Variants in HDAC4 observed in about 807,000 individuals in gnomAD.
HDAC4 encodes the protein histone deacetylase 4.
HDAC4 carries 16 observed loss-of-function variants against 135.1 expected under a neutral mutation model. That is an observed-to-expected ratio of 0.12 (90% confidence interval 0.08 to 0.18). HDAC4 has a LOEUF of 0.18. Among genes scored for constraint, HDAC4 ranks in the 10% least tolerant of loss-of-function variants. The pLI, the probability that HDAC4 is intolerant of heterozygous loss-of-function variation, is 1.00. For missense variants in HDAC4, 1,143 were observed against 1,511.8 expected, an observed-to-expected ratio of 0.76 and a Z score of 4.05; for synonymous variants, 685 against 653.4, an observed-to-expected ratio of 1.05 and a Z score of -0.74.
intron 3 of HDAC4, among the ~76,000 whole-genome samples, chr2:239,211,330 A>G (rs2046345573): frequency 6.6e-6 from 1 of 152,218 alleles, no homozygotes; most frequent in Non-Finnish European, 1.5e-5. Flanking sequence ...GAATGCTGGA[A>G]AGAATTGGGC....
At chr2:239,341,548 A>G (rs1374677718) in intron 2 of HDAC4, among the ~76,000 whole-genome samples, 1 of 152,198 alleles carries the variant, frequency 6.6e-6, no homozygotes, top group Non-Finnish European at 1.5e-5. Context: ...CTTTCAGGAC[A>G]ACACATGGAA....
intron 2 of HDAC4, among the ~76,000 whole-genome samples, chr2:239,290,682 A>T (rs1350500281): frequency 1.3e-5 from 2 of 152,054 alleles, no homozygotes; most frequent in African/African-American, 4.8e-5. Flanking sequence ...TTCAGTTCGC[A>T]CGCGCATGCA....
chr2:239,342,127 T>A (rs552155027), intron 2 of HDAC4, among the ~76,000 whole-genome samples: 2 of 152,310 alleles, frequency 1.3e-5, no homozygotes, highest in East Asian at 3.9e-4. Context: ...CTAAGGTATT[T>A]TATGATAGCA....
chr2:239,298,355 T>C, intron 2 of HDAC4: 1 of 1,198,398 alleles, frequency 8.3e-7, no homozygotes. Flanking sequence ...TTCCAGAACC[T>C]GACACACAGT....
chr2:239,121,357 C>A (rs1394043820), intron 12 of HDAC4, among the ~76,000 whole-genome samples: 6 of 152,118 alleles, frequency 3.9e-5, no homozygotes, highest in African/African-American at 1.2e-4. Flanking sequence ...TAGTGGGGGT[C>A]ATAGCGGGGG....
chr2:239,376,584 C>A (rs970785429), intron 1 of HDAC4, among the ~76,000 whole-genome samples: 1 of 152,272 alleles, frequency 6.6e-6, no homozygotes, highest in Non-Finnish European at 1.5e-5. Context: ...CCACACCACA[C>A]ACACCACCTG....
At chr2:239,191,315 G>A (rs375920670) in intron 3 of HDAC4, among the ~76,000 whole-genome samples, 34 of 152,300 alleles carry the variant, frequency 2.2e-4, no homozygotes, top group African/African-American at 7.9e-4. Context: ...GCCCACCCAC[G>A]TTCACCCTGA....
chr2:239,223,360 C>T (rs374975306), intron 3 of HDAC4, among the ~76,000 whole-genome samples: 208 of 152,344 alleles, frequency 1.4e-3, no homozygotes, highest in African/African-American at 4.8e-3. Flanking sequence ...ACGTACATTC[C>T]GCCGGGGCTT....
chr2:239,091,233 A>G (rs1245714763), intron 17 of HDAC4: 2 of 152,306 alleles, frequency 1.3e-5, no homozygotes, highest in Non-Finnish European at 2.9e-5. Flanking sequence ...TGCACAGAGC[A>G]GTCTCCTATG....
At chr2:239,189,640 C>G (rs888174418) in intron 4 of HDAC4, among the ~76,000 whole-genome samples, 193 bp downstream of exon 4, 1 of 152,218 alleles carries the variant, frequency 6.6e-6, no homozygotes, top group Non-Finnish European at 1.5e-5. Context: ...CTCAGCACCA[C>G]GTCCTCCACA....
In HDAC4 at chr2:239,153,882, A is replaced by G. The variant is rs575339470; in HGVS notation, c.733+2770T>C. Among the ~76,000 whole-genome samples, 176 of 152,342 alleles carry G rather than the reference A, an allele frequency of 1.2e-3. 2 individuals carry two copies. Among genetic ancestry groups the G allele is most frequent in the Middle Eastern group, 6.8e-3 (2 of 294 alleles). ...ACGAGAGATGGCGCGGGCCCTGCCT[A>G]TGGGAGAAAGGCCTCTGATGGTGAA... On this transcript the variant is annotated intron_variant, in intron 7 of 26. Transcript: ENST00000543185.
chr2:239,189,708 G>A (rs1234062838), intron 4 of HDAC4, 125 bp downstream of exon 4: 3 of 866,388 alleles, frequency 3.5e-6, no homozygotes, highest in Non-Finnish European at 5.6e-6. Context: ...AACGCAGAAG[G>A]CCTCCTGCAG....
At chr2:239,054,588 C>A (rs1362575469) in intron 25 of HDAC4, among the ~76,000 whole-genome samples, 161 bp downstream of exon 25, 1 of 152,120 alleles carries the variant, frequency 6.6e-6, no homozygotes, top group Non-Finnish European at 1.5e-5. Context: ...TCTACCAGCT[C>A]AAGAAATGCA....
At chr2:239,208,323 T>TC (rs1491215014) in intron 3 of HDAC4, among the ~76,000 whole-genome samples, 14 of 49,802 alleles carry the variant, frequency 2.8e-4, no homozygotes, top group African/African-American at 1.7e-3. Flanking sequence ...CGAGACTCCG[T>TC]CCCAAAAAAA....
At chr2:239,179,248 C>T (rs540874956) in intron 4 of HDAC4, among the ~76,000 whole-genome samples, 3 of 152,362 alleles carry the variant, frequency 2.0e-5, no homozygotes, top group African/African-American at 7.2e-5. Context: ...ACACTGTCGT[C>T]CCTGTGTATT....
rs528950090 is a variant in HDAC4, at chr2:239,108,179, G to T, written c.1983C>A (p.Leu661=). 4 of 1,599,700 alleles carry T rather than the reference G, an allele frequency of 2.5e-6. No individual in the cohort carries two copies. The highest frequency in any genetic ancestry group is 2.6e-6 in the Non-Finnish European group (3 of 1,174,436). The change falls in exon 15 of 27, where the codon CTC becomes CTA. Residue 661 remains leucine (L), a synonymous_variant. Transcript: ENST00000543185. ...PPTKPRFTTG[L]VYDTLMLKHQ... Reference sequence around the variant, plus strand: ...GCTTCAGCATCAGCGTGTCATACACGAGGCCTGGGGCGGGGCAGAGGGGCC... The same window carrying T: ...GCTTCAGCATCAGCGTGTCATACACTAGGCCTGGGGCGGGGCAGAGGGGCC...
intron 2 of HDAC4, among the ~76,000 whole-genome samples, chr2:239,312,947 G>T (rs2052954148): frequency 6.6e-6 from 1 of 152,222 alleles, no homozygotes; most frequent in South Asian, 2.1e-4. Flanking sequence ...CGGCCAGCAG[G>T]CAGGCAATGC....
At chr2:239,293,065 G>A (rs978845998) in intron 2 of HDAC4, among the ~76,000 whole-genome samples, 3 of 152,206 alleles carry the variant, frequency 2.0e-5, no homozygotes, top group Non-Finnish European at 4.4e-5. Context: ...TGTGAGGCCA[G>A]CGGCCAGCTC....
In HDAC4 at chr2:239,315,181, C is replaced by T. The variant is rs112587540; in HGVS notation, c.22+37497G>A. Among the ~76,000 whole-genome samples, 880 of 152,258 alleles carry T rather than the reference C, an allele frequency of 5.8e-3. 3 individuals carry two copies. The highest frequency in any genetic ancestry group is 9.9e-3 in the Non-Finnish European group (674 of 68,034). ...AAGCCTCACACTTCGAGTTGTCCCG[C>T]GTTTCTGGACTGGACCAATGTTCAT... is the stretch of plus-strand genomic sequence containing the variant. On this transcript the variant is annotated intron_variant, in intron 2 of 26. Coordinates refer to ENST00000543185, the MANE Select transcript of HDAC4 (RefSeq NM_001378414.1).
Sources: allele counts gnomAD v4.1 joint callset (sites outside exome capture counted in the v4.1 genomes callset), GRCh38; gene constraint gnomAD v4.1.1; transcripts MANE v1.5; gene names NCBI Gene and HGNC (gene_info 2026-07-23, HGNC 2026-07-21).